The following NALF2 variants were observed in gnomAD, a reference collection of about 807,000 sequenced individuals.
NALF2 encodes NALCN channel auxiliary factor 2.
A neutral mutation model predicts 24.8 loss-of-function variants in NALF2; 1 was observed. That is an observed-to-expected ratio of 0.04 (90% CI 0.01 to 0.19). The LOEUF is 0.19. Among genes scored for constraint, NALF2 ranks in the 10% least tolerant of loss-of-function variants. The pLI is 1.00. For synonymous variants in NALF2, 254 were observed against 189.8 expected, an observed-to-expected ratio of 1.34 and a Z score of -2.78; for missense variants, 458 against 409.6, an observed-to-expected ratio of 1.12 and a Z score of -1.02.
intron 1 of NALF2, among the ~76,000 whole-genome samples, chrX:69,517,747 G>T (rs1382523801): frequency 2.7e-5 from 3 of 111,716 alleles, no homozygotes; most frequent in African/African-American, 9.8e-5. Context: ...GAGGAAAGAG[G>T]CAGAGAGGGA....
At chrX:69,524,640 C>CT (rs780073058) in intron 1 of NALF2, among the ~76,000 whole-genome samples, 166 of 86,829 alleles carry the variant, frequency 1.9e-3, no homozygotes, top group African/African-American at 8.5e-3. Context: ...CAAACAACCT[C>CT]CCCCGTCAAC....
chrX:69,505,158 A>G lies in NALF2; in HGVS notation c.-125A>G, dbSNP rs1365080825. On this transcript the variant is annotated 5_prime_UTR_variant, in exon 1 of 3. It removes an upstream start codon present in the reference 5' UTR. Coordinates refer to ENST00000252338, the MANE Select transcript of NALF2 (RefSeq NM_015686.3). ...ATCGCGCCGGCCGGCCTGCCTCACC[A>G]TGCAGCCCCCGAGGTAGAGCCTGGA... 4.3e-5 allele frequency: 28 copies of G among 656,736 alleles called. No homozygotes were observed. Among genetic ancestry groups the G allele is most frequent in the Non-Finnish European group, 5.9e-5 (28 of 477,704 alleles). 54.1% of individuals were successfully genotyped at this position (656,736 alleles called of 1,213,427 possible). A position where few individuals can be genotyped will look rare whatever the true frequency, so the allele number is the denominator to read the frequency against.
chrX:69,517,650 T>C (rs1602194918), intron 1 of NALF2, among the ~76,000 whole-genome samples: 1 of 110,874 alleles, frequency 9.0e-6, no homozygotes, highest in South Asian at 3.8e-4. Context: ...GAACAGGAGG[T>C]GAAGTATCTA....
chrX:69,514,146 C>T (rs1339329810), intron 1 of NALF2, among the ~76,000 whole-genome samples: 1 of 108,262 alleles, frequency 9.2e-6, no homozygotes, highest in African/African-American at 3.4e-5. Context: ...GCTGAGATCG[C>T]GTCACTGCAC....
At chrX:69,516,577 A>C (rs1930664504) in intron 1 of NALF2, among the ~76,000 whole-genome samples, 1 of 112,201 alleles carries the variant, frequency 8.9e-6, no homozygotes, top group Non-Finnish European at 1.9e-5. Flanking sequence ...TTCCAGGGCA[A>C]GGCTACTCTA....
chrX:69,508,899 G>C (rs1334584518), intron 1 of NALF2, among the ~76,000 whole-genome samples: 1 of 112,366 alleles, frequency 8.9e-6, no homozygotes, highest in African/African-American at 3.2e-5. Context: ...TAGAAACCAA[G>C]CTGGGAACCT....
rs781216420 is a variant in NALF2, at chrX:69,505,798, T to C, written c.516T>C (p.Leu172=). 11 of 1,208,173 alleles carry C rather than the reference T, an allele frequency of 9.1e-6. No homozygotes were observed. In the Admixed American group the frequency reaches 1.1e-4, roughly 12 times the overall value. ...PAPPLRPPDS[L]SRAPAEFPSA... ...CCCCTCTGCGGCCCCCTGACTCCCT[T>C]TCCCGTGCCCCGGCCGAGTTCCCCT... Residue 172 remains leucine (L), a synonymous_variant, in exon 1 of 3, where the codon CTT becomes CTC. Transcript: ENST00000252338.
At position 69,529,456 on chromosome X, in the gene NALF2, G is replaced by A. The variant is rs1930860813; in HGVS notation, c.1034-115G>A. 4 of 1,079,818 alleles carry A rather than the reference G, an allele frequency of 3.7e-6. No homozygotes were observed. The African/African-American group carries it at 5.6e-5, about 15-fold the overall frequency. 89.0% of individuals were successfully genotyped at this position (1,079,818 alleles called of 1,213,427 possible). ...GGGCAAGTGTCGAGGGCTGTGGGGAGGGAGCCTTAGATGAGGCTACTTGAG... is the reference window on the plus strand; with the variant it reads ...GGGCAAGTGTCGAGGGCTGTGGGGAAGGAGCCTTAGATGAGGCTACTTGAG... On this transcript the variant is annotated intron_variant, in intron 2 of 2. Transcript: ENST00000252338.
intron 1 of NALF2, among the ~76,000 whole-genome samples, chrX:69,525,763 GCT>G (rs1406051323): frequency 7.5e-5 from 8 of 107,037 alleles, no homozygotes; most frequent in Non-Finnish European, 1.9e-5. Context: ...TAATTCCCTG[GCT>G]CTTTCTCCCC....
intron 1 of NALF2, 119 bp from the exon 2 acceptor site, chrX:69,528,874 G>A (rs1435302096): frequency 1.5e-6 from 1 of 673,254 alleles, no homozygotes; most frequent in African/African-American, 2.3e-5. Flanking sequence ...CTACCCCCTG[G>A]ATCTTGGGGT....
chrX:69,510,779 C>G (rs1468895570), intron 1 of NALF2, among the ~76,000 whole-genome samples: 1 of 112,058 alleles, frequency 8.9e-6, no homozygotes, highest in Non-Finnish European at 1.9e-5. Flanking sequence ...GCCAGGAATC[C>G]TGGAGCAGGC....
chrX:69,522,955 C>A (rs966258973), intron 1 of NALF2, among the ~76,000 whole-genome samples: 1 of 112,496 alleles, frequency 8.9e-6, no homozygotes, highest in Non-Finnish European at 1.9e-5. Context: ...GTCTCAGTTT[C>A]CCTATGGGTA....
Position 69,505,921 on chromosome X carries a change from C to T in NALF2, c.639C>T (p.Arg213=). 1.7e-6 allele frequency: 2 copies of T among 1,211,813 alleles called. No homozygotes were observed. Among genetic ancestry groups the T allele is most frequent in the Non-Finnish European group, 2.2e-6 (2 of 895,493 alleles). The change falls in exon 1 of 3, where the codon CGC becomes CGT. Residue 213 remains arginine (R), a synonymous_variant. Coordinates refer to ENST00000252338, the MANE Select transcript of NALF2 (RefSeq NM_015686.3). ...GGGACTTGCTGCTGGGCATGGACCG[C>T]CCCGACAGCCTGGACTGTAGCCTGG... ...TVWDLLLGMD[R]PDSLDCSLDT...
At chrX:69,506,648 A>T (rs776573110) in intron 1 of NALF2, among the ~76,000 whole-genome samples, 2 of 113,039 alleles carry the variant, frequency 1.8e-5, no homozygotes, top group Non-Finnish European at 3.8e-5. Context: ...GTGGTGGGGC[A>T]CACCACACAC....
chrX:69,521,147 C>T (rs1286435791), intron 1 of NALF2, among the ~76,000 whole-genome samples: 1 of 112,124 alleles, frequency 8.9e-6, no homozygotes, highest in Non-Finnish European at 1.9e-5. Flanking sequence ...ACCTCATCTC[C>T]CATTGTATCC....
At chrX:69,507,872 T>C (rs1444117096) in intron 1 of NALF2, among the ~76,000 whole-genome samples, 2 of 111,337 alleles carry the variant, frequency 1.8e-5, no homozygotes, top group Non-Finnish European at 3.8e-5. Context: ...CCAGTATGAA[T>C]GAGAGGCATG....
chrX:69,511,705 A>G (rs959777953), intron 1 of NALF2, among the ~76,000 whole-genome samples: 2 of 111,231 alleles, frequency 1.8e-5, no homozygotes, highest in Non-Finnish European at 3.8e-5. Context: ...ACCCAATACC[A>G]TGGTCTGGCA....
chrX:69,524,100 CTTTT>C (rs1202940165), intron 1 of NALF2, among the ~76,000 whole-genome samples: 1 of 93,923 alleles, frequency 1.1e-5, no homozygotes, highest in Non-Finnish European at 2.2e-5. Flanking sequence ...TATTTTTTTT[CTTTT>C]TTTTTTTTTT....
intron 1 of NALF2, among the ~76,000 whole-genome samples, chrX:69,511,305 C>T (rs938991715): frequency 4.5e-5 from 5 of 110,943 alleles, no homozygotes; most frequent in African/African-American, 1.6e-4. Flanking sequence ...GGCCTGCATG[C>T]CCCTTGGGCC....
Sources: gnomAD v4.1 joint callset for allele counts (sites outside exome capture counted in the v4.1 genomes callset) on GRCh38, gnomAD v4.1.1 for gene constraint, MANE v1.5 for transcripts, NCBI Gene and HGNC (gene_info 2026-07-23, HGNC 2026-07-21) for gene names.